The following AGO1 variants were observed in gnomAD, a reference collection of about 807,000 sequenced individuals.
The protein encoded by AGO1 is protein argonaute-1.
Under a neutral mutation model 109.2 loss-of-function variants are expected in AGO1, and 11 were observed. That is an observed-to-expected ratio of 0.10 (90% CI 0.06 to 0.17). The LOEUF (loss-of-function observed/expected upper bound fraction) is 0.17, where lower values mean the gene tolerates loss of function less well. Ranked by LOEUF, AGO1 falls within the 10% of genes least tolerant of loss-of-function variation. The pLI is 1.00. For synonymous variants in AGO1, 422 were observed against 418.6 expected, an observed-to-expected ratio of 1.01 and a Z score of -0.10; for missense variants, 574 against 1,140.3, an observed-to-expected ratio of 0.50 and a Z score of 7.15.
At chr1:35,912,123 C>T (rs1226519678) in intron 12 of AGO1, among the ~76,000 whole-genome samples, 3 of 151,952 alleles carry the variant, frequency 2.0e-5, no homozygotes, top group Non-Finnish European at 2.9e-5. Context: ...TTTGGGAGGC[C>T]GAGGCAGGCG....
chr1:35,900,284 C>T (rs984709137), intron 8 of AGO1, among the ~76,000 whole-genome samples: 1 of 152,188 alleles, frequency 6.6e-6, no homozygotes, highest in African/African-American at 2.4e-5. Flanking sequence ...TTGAGTTGTT[C>T]AGTATTCAGA....
At chr1:35,903,935 CGTG>C (rs932872570) in intron 11 of AGO1, among the ~76,000 whole-genome samples, 2 of 151,006 alleles carry the variant, frequency 1.3e-5, no homozygotes, top group African/African-American at 4.9e-5. Flanking sequence ...TGCCCTCCAA[CGTG>C]GTAACAAAGC....
In AGO1 at chr1:35,894,389, G is replaced by A; in HGVS notation, c.859G>A (p.Ala287Thr). The change falls in exon 7 of 19, where the codon GCT becomes ACT. Residue 287 changes from alanine to threonine, a missense_variant. By Grantham distance (58) the Ala-to-Thr change is moderately conservative. This residue lies in a region of AGO1 where 42 missense variants were observed against 142.4 expected (regional missense o/e 0.29). Transcript: ENST00000373204. ...YRVCNVTRRP[A>T]SHQTFPLQLE... ...CGTGTGTAATGTTACCCGTCGCCCT[G>A]CTAGCCATCAGACGTAAGTTGGCAG... 1 of 1,614,122 alleles carries A rather than the reference G, an allele frequency of 6.2e-7. No individual in the cohort carries two copies. The highest frequency in any genetic ancestry group is 1.7e-5 in the Admixed American group (1 of 60,006).
At chr1:35,898,042 A>C (rs1364716534) in intron 8 of AGO1, among the ~76,000 whole-genome samples, 2 of 152,134 alleles carry the variant, frequency 1.3e-5, no homozygotes, top group African/African-American at 4.8e-5. Flanking sequence ...GTCATTTAGC[A>C]TAATGTTTTC....
chr1:35,881,601 C>T (rs1002113708), upstream of AGO1, among the ~76,000 whole-genome samples: 1 of 152,206 alleles, frequency 6.6e-6, no homozygotes, highest in Admixed American at 6.5e-5. Flanking sequence ...GGATTACAGG[C>T]GTGAGCCACT....
chr1:35,883,203 C>T, upstream of AGO1: 1 of 1,193,774 alleles, frequency 8.4e-7, no homozygotes, highest in Non-Finnish European at 1.0e-6. This position sits in a 1 kb window ranked among gnomAD's most constrained non-coding sequence, Gnocchi z 5.4. Flanking sequence ...GCGGTCGCGC[C>T]TGCGCACTGG....
Position 35,923,273 on chromosome 1 carries a change from G to A in AGO1, c.*3666G>A, listed in dbSNP as rs1260624813. On this transcript the variant is annotated 3_prime_UTR_variant, in exon 19 of 19. Coordinates refer to ENST00000373204, the MANE Select transcript of AGO1 (RefSeq NM_012199.5). The stretch of plus-strand genomic sequence containing the variant: ...GCCTCCTATTTAGCTAAGCAGCAGT[G>A]TTTTTGGATACTTTTTTTTTCTGTT... 6.6e-6 allele frequency: 1 copy of A among 152,208 alleles called. No homozygotes were observed. The highest frequency in any genetic ancestry group is 1.9e-4 in the East Asian group (1 of 5,194). 9.4% of individuals were successfully genotyped at this position (152,208 alleles called of 1,614,324 possible).
intron 14 of AGO1, 118 bp downstream of exon 14, chr1:35,914,392 A>T: frequency 1.3e-6 from 1 of 757,146 alleles, no homozygotes; most frequent in Non-Finnish European, 2.2e-6. Flanking sequence ...ATGTCCATTT[A>T]GCTCGCTATT....
At chr1:35,889,183 C>CTTTT (rs35255117) in intron 2 of AGO1, among the ~76,000 whole-genome samples, 2 of 113,406 alleles carry the variant, frequency 1.8e-5, no homozygotes, top group African/African-American at 3.4e-5. Context: ...GTGATATTTC[C>CTTTT]TTTTTTTTTT....
rs1382775879 is a variant in AGO1, at chr1:35,920,484, C to T, written c.*877C>T. The T allele has an allele frequency of 6.6e-6, 1 of 152,532 alleles. No homozygotes were observed. The highest frequency in any genetic ancestry group is 2.4e-5 in the African/African-American group (1 of 41,436). 9.4% of individuals were successfully genotyped at this position (152,532 alleles called of 1,614,324 possible). ...GGAGGTAGATGGGGAAGAAATACCC[C>T]AGACCCAACAAACCTCCAGCCAGAA... is the stretch of plus-strand genomic sequence containing the variant. On this transcript the variant is annotated 3_prime_UTR_variant, in exon 19 of 19. Coordinates refer to ENST00000373204, the MANE Select transcript of AGO1 (RefSeq NM_012199.5).
intron 8 of AGO1, among the ~76,000 whole-genome samples, chr1:35,900,682 G>A (rs147842533): frequency 1.3e-5 from 2 of 152,216 alleles, no homozygotes; most frequent in South Asian, 2.1e-4. Context: ...AGCCGAGATC[G>A]TGCCATTGCA....
rs1248268375 is a variant in AGO1 at position 35,930,210 on chromosome 1, A to AG, written c.*10604dup. On this transcript the variant is annotated 3_prime_UTR_variant, in exon 19 of 19. Coordinates refer to ENST00000373204, the MANE Select transcript of AGO1 (RefSeq NM_012199.5). ...CAAAGGGCTACCAAGGCAATACTGT[A>AG]GTAGACTAACAGGTGCCCCACCATA... 6.6e-6 allele frequency: 1 copy of AG among 152,252 alleles called. No individual in the cohort carries two copies. The highest frequency in any genetic ancestry group is 2.4e-5 in the African/African-American group (1 of 41,466). 9.4% of individuals were successfully genotyped at this position (152,252 alleles called of 1,614,324 possible). A position where few individuals can be genotyped will look rare whatever the true frequency, so the allele number is the denominator to read the frequency against.
intron 17 of AGO1, 100 bp from the exon 18 acceptor site, chr1:35,918,955 A>T: frequency 7.3e-6 from 8 of 1,093,246 alleles, no homozygotes; most frequent in Non-Finnish European, 1.1e-5. Flanking sequence ...TTCATGGGTG[A>T]ATTATCTACC....
chr1:35,918,164 G>A (rs866607890), intron 16 of AGO1, among the ~76,000 whole-genome samples, 158 bp from the exon 17 acceptor site: 5 of 152,204 alleles, frequency 3.3e-5, no homozygotes, highest in Admixed American at 2.0e-4. Context: ...AGGTCTGTGT[G>A]ACTTTAGAAG....
Position 35,892,584 on chromosome 1 carries a change from T to C in AGO1, c.237T>C (p.His79=), listed in dbSNP as rs1294130512. The part of the protein sequence containing the change: ...NREVVEYMVQ[H]FKPQIFGDRK... ...AAGTGGTGGAATACATGGTCCAGCA[T>C]TTCAAGCCTCAGATCTTTGGTGATC... The change falls in exon 3 of 19, where the codon CAT becomes CAC. Residue 79 remains histidine (H), a synonymous_variant. Transcript: ENST00000373204. 11 of 1,614,238 alleles carry C rather than the reference T, an allele frequency of 6.8e-6. No individual in the cohort carries two copies. The highest frequency in any genetic ancestry group is 9.3e-6 in the Non-Finnish European group (11 of 1,180,036).
intron 12 of AGO1, among the ~76,000 whole-genome samples, chr1:35,911,908 C>T (rs1303285095): frequency 1.3e-5 from 2 of 152,156 alleles, no homozygotes; most frequent in Admixed American, 6.5e-5. Context: ...CCTTGGCACT[C>T]GTGATACAAC....
chr1:35,886,938 G>T (rs1645129867), intron 1 of AGO1, among the ~76,000 whole-genome samples: 1 of 152,166 alleles, frequency 6.6e-6, no homozygotes, highest in South Asian at 2.1e-4. Flanking sequence ...AGTGTAAATT[G>T]CCAAGGTCTA....
At chr1:35,914,513 G>A (rs555264017) in intron 14 of AGO1, among the ~76,000 whole-genome samples, 1 of 152,228 alleles carries the variant, frequency 6.6e-6, no homozygotes, top group Admixed American at 6.5e-5. Context: ...CATCACTCTT[G>A]CTCTGCATTT....
At position 35,906,874 on chromosome 1, in the gene AGO1, T is replaced by C. The variant is rs569693435; in HGVS notation, c.1398-61T>C. On this transcript the variant is annotated intron_variant, in intron 11 of 18. Coordinates refer to ENST00000373204, the MANE Select transcript of AGO1 (RefSeq NM_012199.5). ...GTGCTAAGCACCTAAGATGGATGGA[T>C]TTTTGTCAGAAGAATTCAAGTGAGA... is the stretch of plus-strand genomic sequence containing the variant. The C allele has an allele frequency of 2.0e-6, 3 of 1,499,564 alleles. No homozygotes were observed. The African/African-American group carries it at 4.2e-5, about 21-fold the overall frequency. The allele number at this position is 1,499,564 out of a possible 1,614,324, so 92.9% of individuals were successfully genotyped here.
Sources: allele counts gnomAD v4.1 joint callset (sites outside exome capture counted in the v4.1 genomes callset), GRCh38; gene constraint gnomAD v4.1.1; regional missense constraint gnomAD v4.1.1; non-coding constraint Gnocchi (gnomAD v3.1); transcripts MANE v1.5; gene names NCBI Gene and HGNC (gene_info 2026-07-23, HGNC 2026-07-21).